The following HHAT variants were observed in gnomAD, a reference collection of about 807,000 sequenced individuals.
The protein encoded by HHAT is hedgehog acyltransferase, also known as protein-cysteine N-palmitoyltransferase HHAT.
In HHAT, 47 loss-of-function variants were observed where a neutral mutation model predicts 70.8. The observed-to-expected ratio is 0.66, with a 90% CI of 0.53 to 0.85. The LOEUF (loss-of-function observed/expected upper bound fraction) is 0.85. Among genes scored for constraint, HHAT ranks in the 40% least tolerant of loss-of-function variants. The pLI, the probability that HHAT is intolerant of heterozygous loss-of-function variation, is 0.00. For synonymous variants in HHAT, 228 were observed against 247.6 expected, an observed-to-expected ratio of 0.92 and a Z score of 0.74; for missense variants, 609 against 604.8, an observed-to-expected ratio of 1.01 and a Z score of -0.07.
chr1:210,349,144 A>G, intron 2 of HHAT, 78 bp downstream of exon 2: 2 of 1,445,850 alleles, frequency 1.4e-6, no homozygotes, highest in Admixed American at 1.9e-5. Context: ...TGGAAGATTC[A>G]AGAAGATGAT....
intron 3 of HHAT, among the ~76,000 whole-genome samples, chr1:210,375,879 TCTCA>T (rs2090159686): frequency 6.7e-6 from 1 of 149,266 alleles, no homozygotes; most frequent in Non-Finnish European, 1.5e-5. Context: ...AAAAAAAAAA[TCTCA>T]CTCTGTCATC....
chr1:210,442,694 G>T (rs1437972938), intron 7 of HHAT, among the ~76,000 whole-genome samples: 5 of 152,112 alleles, frequency 3.3e-5, no homozygotes, highest in Non-Finnish European at 5.9e-5. Flanking sequence ...TTTTTGATGG[G>T]GTTGTTTGTT....
At chr1:210,536,005 G>A (rs933785970) in intron 9 of HHAT, among the ~76,000 whole-genome samples, 2 of 152,184 alleles carry the variant, frequency 1.3e-5, no homozygotes, top group African/African-American at 4.8e-5. Flanking sequence ...GGAGATTAGG[G>A]CATATGCATA....
In HHAT at chr1:210,362,839, T is replaced by G; in HGVS notation, c.92-13T>G. 6.2e-7 allele frequency: 1 copy of G among 1,612,766 alleles called. No individual in the cohort carries two copies. The highest frequency in any genetic ancestry group is 1.1e-5 in the South Asian group (1 of 90,928). On this transcript the variant is annotated splice_polypyrimidine_tract_variant and intron_variant, in intron 2 of 11. Transcript: ENST00000261458. ...AGATTTGTGACTAACGAAGACTTTT[T>G]TTTTTTGGTCAGAACACGAAGAGGA...
intron 3 of HHAT, among the ~76,000 whole-genome samples, chr1:210,366,762 G>C (rs140419398): frequency 6.6e-6 from 1 of 152,284 alleles, no homozygotes; most frequent in Non-Finnish European, 1.5e-5. Context: ...CCACTCCCTT[G>C]GTCATGCCGA....
At chr1:210,650,618 A>G (rs1674946076) in intron 11 of HHAT, among the ~76,000 whole-genome samples, 1 of 152,238 alleles carries the variant, frequency 6.6e-6, no homozygotes, top group Admixed American at 6.5e-5. Flanking sequence ...TTATAAATAC[A>G]TTTAAGGGGA....
At position 210,333,823 on chromosome 1, in the gene HHAT, A is replaced by G. The variant is rs1009880896; in HGVS notation, c.-44+4719A>G. 2.6e-5 allele frequency among the ~76,000 whole-genome samples: 4 copies of G among 152,112 alleles called. No homozygotes were observed. In the East Asian group the frequency reaches 7.8e-4, roughly 30 times the overall value. On this transcript the variant is annotated intron_variant, in intron 1 of 11. Transcript: ENST00000261458. ...CAGATGTTCACCACCGTGCCTGGCT[A>G]ATTTTGTAGTTTTAGTAGAGACAGG...
At chr1:210,621,751 G>A (rs1316179203) in intron 10 of HHAT, among the ~76,000 whole-genome samples, 1 of 152,198 alleles carries the variant, frequency 6.6e-6, no homozygotes, top group Non-Finnish European at 1.5e-5. Flanking sequence ...GGCAAGACTA[G>A]AGGTAATCTT....
At chr1:210,495,494 C>G (rs893194530) in intron 8 of HHAT, among the ~76,000 whole-genome samples, 2 of 152,034 alleles carry the variant, frequency 1.3e-5, no homozygotes, top group African/African-American at 4.8e-5. Context: ...CCTTTCTTTA[C>G]TCTCAGTTAT....
intron 9 of HHAT, among the ~76,000 whole-genome samples, chr1:210,556,487 A>G (rs895529478): frequency 6.6e-6 from 1 of 152,166 alleles, no homozygotes; most frequent in African/African-American, 2.4e-5. Flanking sequence ...CCTGAACCCC[A>G]GGGGGCTGCC....
intron 3 of HHAT, among the ~76,000 whole-genome samples, chr1:210,379,234 C>T (rs2090451560): frequency 6.6e-6 from 1 of 152,216 alleles, no homozygotes. Flanking sequence ...GTCTCTGCCA[C>T]CATTTTCTTC....
chr1:210,442,792 T>G (rs993976747), intron 7 of HHAT, among the ~76,000 whole-genome samples: 5 of 152,188 alleles, frequency 3.3e-5, no homozygotes, highest in South Asian at 2.1e-4. Context: ...TTTCTCCCAT[T>G]TTGTAGGCTG....
intron 11 of HHAT, among the ~76,000 whole-genome samples, chr1:210,666,730 C>G (rs528344067): frequency 6.6e-6 from 1 of 152,036 alleles, no homozygotes; most frequent in Non-Finnish European, 1.5e-5. Context: ...GTGATTTGAC[C>G]GCCTCAGCCT....
At chr1:210,614,567 C>A (rs1306447109) in intron 10 of HHAT, among the ~76,000 whole-genome samples, 1 of 152,162 alleles carries the variant, frequency 6.6e-6, no homozygotes, top group Non-Finnish European at 1.5e-5. Context: ...TCCCCTCCCC[C>A]CACCTCACAA....
intron 7 of HHAT, among the ~76,000 whole-genome samples, chr1:210,423,778 C>T (rs897128625): frequency 3.9e-5 from 6 of 152,150 alleles, no homozygotes; most frequent in African/African-American, 1.4e-4. Flanking sequence ...TTTCTCAGTA[C>T]CATTTGTTGA....
intron 9 of HHAT, among the ~76,000 whole-genome samples, chr1:210,581,691 T>G (rs146675994): frequency 1.4e-4 from 21 of 152,372 alleles, no homozygotes; most frequent in African/African-American, 4.8e-4. Flanking sequence ...GTGGAGAAAC[T>G]TCAGCATCTT....
intron 10 of HHAT, among the ~76,000 whole-genome samples, chr1:210,594,336 A>G (rs1211892389): frequency 2.6e-5 from 4 of 152,174 alleles, no homozygotes. Context: ...TTTGATTTGA[A>G]ATTACCACGA....
chr1:210,533,113 TC>T (rs2095331845), intron 9 of HHAT, among the ~76,000 whole-genome samples: 1 of 152,188 alleles, frequency 6.6e-6, no homozygotes, highest in Admixed American at 6.5e-5. Flanking sequence ...GGCACTTTGT[TC>T]AATATAAATG....
intron 9 of HHAT, among the ~76,000 whole-genome samples, chr1:210,542,658 G>A (rs2501912): frequency 0.91 from 138,147 of 151,820 alleles, 63,623 homozygotes; most frequent in Non-Finnish European, 0.98. Flanking sequence ...ATATTAGCCA[G>A]TCATGGTGGT....
Sources: allele counts gnomAD v4.1 joint callset (sites outside exome capture counted in the v4.1 genomes callset), GRCh38; gene constraint gnomAD v4.1.1; transcripts MANE v1.5; gene names NCBI Gene and HGNC (gene_info 2026-07-23, HGNC 2026-07-21).